The following SHANK2 variants were observed in gnomAD, a reference collection of about 807,000 sequenced individuals.
SHANK2 encodes the protein SH3 and multiple ankyrin repeat domains protein 2.
A neutral mutation model predicts 133.7 loss-of-function variants in SHANK2; 43 were observed. The ratio of observed to expected loss-of-function variants is 0.32; its 90% CI spans 0.25 to 0.41. The LOEUF is 0.41. Ranked by LOEUF, SHANK2 falls within the 10% of genes least tolerant of loss-of-function variation. The probability of loss-of-function intolerance (pLI) is 1.00; values close to 1 mark genes in which losing one functional copy is unlikely to be tolerated. For missense variants in SHANK2, 1,994 were observed against 2,235.8 expected, an observed-to-expected ratio of 0.89 and a Z score of 2.18; for synonymous variants, 1,017 against 952.8, an observed-to-expected ratio of 1.07 and a Z score of -1.24.
At chr11:70,953,429 C>T (rs1950873772) in intron 10 of SHANK2, among the ~76,000 whole-genome samples, 1 of 152,018 alleles carries the variant, frequency 6.6e-6, no homozygotes, top group South Asian at 2.1e-4. Context: ...AGTCCGAAAG[C>T]CTCAAAACCA....
intron 11 of SHANK2, among the ~76,000 whole-genome samples, chr11:70,826,036 AG>A: frequency 6.6e-6 from 1 of 152,286 alleles, no homozygotes; most frequent in Admixed American, 6.5e-5. Context: ...GGGATGGGAG[AG>A]CCGGGAGCAG....
At chr11:70,841,937 A>G (rs1420560196) in intron 11 of SHANK2, among the ~76,000 whole-genome samples, 1 of 151,986 alleles carries the variant, frequency 6.6e-6, no homozygotes, top group Admixed American at 6.6e-5. Context: ...CAGCCTCCCA[A>G]ACCATCCTTT....
intron 2 of SHANK2, among the ~76,000 whole-genome samples, chr11:71,186,429 T>C (rs1312170583): frequency 6.6e-6 from 1 of 152,188 alleles, no homozygotes; most frequent in Non-Finnish European, 1.5e-5. Flanking sequence ...GGAGTCCATG[T>C]TGGAGACACT....
At chr11:70,939,267 G>A (rs998660496) in intron 10 of SHANK2, among the ~76,000 whole-genome samples, 3 of 152,150 alleles carry the variant, frequency 2.0e-5, no homozygotes, top group Non-Finnish European at 4.4e-5. Context: ...CTGAGGTCAG[G>A]AGTTTGAGAC....
intron 9 of SHANK2, among the ~76,000 whole-genome samples, chr11:71,074,757 T>C (rs1951196397): frequency 6.6e-6 from 1 of 151,584 alleles, no homozygotes; most frequent in Non-Finnish European, 1.5e-5. Context: ...CTTTTGTAGT[T>C]TGCTGACCTA....
chr11:70,618,800 G>A (rs548650380), intron 17 of SHANK2, among the ~76,000 whole-genome samples: 2 of 152,146 alleles, frequency 1.3e-5, no homozygotes, highest in Non-Finnish European at 1.5e-5. Flanking sequence ...TGGAAAACTG[G>A]GCAGGTGACC....
intron 7 of SHANK2, among the ~76,000 whole-genome samples, chr11:71,093,253 A>G (rs1951550502): frequency 6.6e-6 from 1 of 152,082 alleles, no homozygotes; most frequent in Non-Finnish European, 1.5e-5. Context: ...TGCGGAAGAG[A>G]GAAAAGGTGC....
At chr11:70,494,898 C>T (rs2058947284) in intron 21 of SHANK2, among the ~76,000 whole-genome samples, 1 of 152,214 alleles carries the variant, frequency 6.6e-6, no homozygotes, top group Non-Finnish European at 1.5e-5. Flanking sequence ...CGTCCCTGCT[C>T]ATGCATTCTC....
chr11:70,701,053 C>T (rs1945506889), intron 14 of SHANK2, among the ~76,000 whole-genome samples: 1 of 152,152 alleles, frequency 6.6e-6, no homozygotes, highest in African/African-American at 2.4e-5. Context: ...TGCTGGCTGT[C>T]TAGGGAACTG....
chr11:70,848,970 T>C (rs1267363458), intron 11 of SHANK2, among the ~76,000 whole-genome samples: 1 of 152,132 alleles, frequency 6.6e-6, no homozygotes, highest in Non-Finnish European at 1.5e-5. Context: ...GGGACCTTGC[T>C]CTGAGGCTTG....
At chr11:70,724,727 G>A (rs1946144709) in intron 14 of SHANK2, among the ~76,000 whole-genome samples, 1 of 152,200 alleles carries the variant, frequency 6.6e-6, no homozygotes, top group Non-Finnish European at 1.5e-5. Flanking sequence ...AGGCTCTCTG[G>A]GCAGCCTTGT....
chr11:71,182,304 A>C (rs1427777066), intron 2 of SHANK2, among the ~76,000 whole-genome samples: 7 of 152,196 alleles, frequency 4.6e-5, no homozygotes, highest in Admixed American at 1.3e-4. Context: ...ATCTTTTCAA[A>C]TGTGCTTGTA....
chr11:70,567,358 G>T (rs1038126384), intron 17 of SHANK2, among the ~76,000 whole-genome samples: 9 of 152,168 alleles, frequency 5.9e-5, no homozygotes, highest in African/African-American at 9.7e-5. Flanking sequence ...GCCGGGCGTG[G>T]TGGCTCATGC....
At chr11:70,788,304 C>T (rs782378395) in intron 14 of SHANK2, among the ~76,000 whole-genome samples, 3 of 152,212 alleles carry the variant, frequency 2.0e-5, no homozygotes, top group Non-Finnish European at 4.4e-5. Flanking sequence ...TCAGCAGCTT[C>T]CCTTTATCCA....
In SHANK2 at chr11:70,866,269, A is replaced by C. The variant is rs1403119235; in HGVS notation, c.1174+30232T>G. Among the ~76,000 whole-genome samples, 5 of 152,128 alleles carry C rather than the reference A, an allele frequency of 3.3e-5. 1 individual carries two copies. The highest frequency in any genetic ancestry group is 2.0e-4 in the Admixed American group (3 of 15,276). On this transcript the variant is annotated intron_variant, in intron 11 of 25. Coordinates refer to ENST00000601538, the MANE Select transcript of SHANK2 (RefSeq NM_012309.5). Reference sequence around the variant, plus strand: ...AAGGCAGGGGCAGAGAGTGCAGCTCAGAGGAGCCACAGCCCATCGCACCCC... The same window carrying C: ...AAGGCAGGGGCAGAGAGTGCAGCTCCGAGGAGCCACAGCCCATCGCACCCC...
intron 2 of SHANK2, among the ~76,000 whole-genome samples, chr11:71,186,764 C>G (rs904983079): frequency 3.9e-5 from 6 of 152,230 alleles, no homozygotes; most frequent in African/African-American, 1.4e-4. Context: ...ATGCTGCAGA[C>G]AGCTATCCAT....
At chr11:70,538,691 G>A (rs1280005046) in intron 17 of SHANK2, among the ~76,000 whole-genome samples, 1 of 152,200 alleles carries the variant, frequency 6.6e-6, no homozygotes, top group Non-Finnish European at 1.5e-5. Context: ...GTTCCCTGGG[G>A]CTCTGCCTGC....
At chr11:70,795,343 TAGCA>T (rs1947883156) in intron 14 of SHANK2, among the ~76,000 whole-genome samples, 1 of 152,088 alleles carries the variant, frequency 6.6e-6, no homozygotes, top group South Asian at 2.1e-4. Context: ...TGACCTGGAT[TAGCA>T]AGGTGGGCCC....
At chr11:71,085,592 TAA>T (rs1491292113) in intron 8 of SHANK2, among the ~76,000 whole-genome samples, 5 of 27,482 alleles carry the variant, frequency 1.8e-4, no homozygotes, top group African/African-American at 5.4e-4. Context: ...ATATATTATA[TAA>T]TATATATATT....
Sources: gnomAD v4.1 joint callset for allele counts (sites outside exome capture counted in the v4.1 genomes callset) on GRCh38, gnomAD v4.1.1 for gene constraint, MANE v1.5 for transcripts, NCBI Gene and HGNC (gene_info 2026-07-23, HGNC 2026-07-21) for gene names.